Variants in DCAKD observed in about 807,000 individuals in gnomAD.
The protein encoded by DCAKD is dephospho-CoA kinase domain-containing protein.
In DCAKD, 15 loss-of-function variants were observed where a neutral mutation model predicts 18.7. The ratio of observed to expected loss-of-function variants is 0.80; its 90% CI spans 0.54 to 1.24. The LOEUF (loss-of-function observed/expected upper bound fraction) is 1.24. Among genes scored for constraint, DCAKD ranks in the 50% most tolerant of loss-of-function variants. DCAKD has a pLI of 0.00. For missense variants in DCAKD, 301 were observed against 322.0 expected (o/e 0.93, Z 0.50); for synonymous variants, 130 against 133.0 (o/e 0.98, Z 0.16).
chr17:45,040,442 T>C (rs1312511734), intron 1 of DCAKD, among the ~76,000 whole-genome samples: 1 of 151,086 alleles, frequency 6.6e-6, no homozygotes, highest in Admixed American at 6.6e-5. Context: ...ACATTACTGT[T>C]GGTGGCCTGG....
upstream of DCAKD, among the ~76,000 whole-genome samples, chr17:45,053,319 A>G (rs572591503): frequency 1.6e-3 from 244 of 149,532 alleles, 1 homozygote; most frequent in African/African-American, 5.7e-3. Flanking sequence ...GTGCAGTGGC[A>G]GGATCTTGGC....
At chr17:45,035,247 A>C in intron 1 of DCAKD, 1 of 207,850 alleles carries the variant, frequency 4.8e-6, no homozygotes, top group Admixed American at 5.6e-5. Flanking sequence ...TTGGGAGGCC[A>C]AGGTGGGTGG....
intron 1 of DCAKD, among the ~76,000 whole-genome samples, chr17:45,045,207 C>T (rs567540302): frequency 3.7e-4 from 56 of 152,224 alleles, no homozygotes; most frequent in Admixed American, 7.9e-4. Flanking sequence ...GGTCAGGACA[C>T]GGACAGAAAG....
At chr17:45,060,990 A>G in exon 1 of DCAKD, 3 of 1,054,818 alleles carry the variant, frequency 2.8e-6, no homozygotes, top group Middle Eastern at 4.6e-4. Flanking sequence ...TGGAACCTCC[A>G]CGCCTGAAAC....
At chr17:45,031,508 ACTC>A in intron 3 of DCAKD, 1 of 976,428 alleles carries the variant, frequency 1.0e-6, no homozygotes, top group Non-Finnish European at 1.2e-6. Flanking sequence ...ATGCAGTACT[ACTC>A]CTTCACCAGT....
At chr17:45,046,421 G>T (rs916096470) in intron 1 of DCAKD, among the ~76,000 whole-genome samples, 3 of 152,026 alleles carry the variant, frequency 2.0e-5, no homozygotes, top group African/African-American at 7.2e-5. Context: ...TTTGAGACCA[G>T]CCTGGCCAAT....
At chr17:45,054,218 T>A, upstream of DCAKD, 1 of 500,720 alleles carries the variant, frequency 2.0e-6, no homozygotes, top group Non-Finnish European at 4.0e-6. Context: ...ATGTCCCATG[T>A]TGGGGAACTC....
intron 1 of DCAKD, among the ~76,000 whole-genome samples, chr17:45,050,917 G>A (rs1001488167): frequency 1.3e-5 from 2 of 152,250 alleles, no homozygotes; most frequent in Non-Finnish European, 2.9e-5. Flanking sequence ...TCCCTCACTA[G>A]TTGGTGGGCG....
At chr17:45,047,459 AT>A (rs1218885146) in intron 1 of DCAKD, among the ~76,000 whole-genome samples, 1 of 148,458 alleles carries the variant, frequency 6.7e-6, no homozygotes, top group Non-Finnish European at 1.5e-5. Flanking sequence ...ATTTTTAAAA[AT>A]TTTTTGTAGA....
chr17:45,031,218 T>G (rs2143204145), intron 3 of DCAKD: 1 of 985,296 alleles, frequency 1.0e-6, no homozygotes, highest in Non-Finnish European at 1.2e-6. Flanking sequence ...CTCAAAGTGA[T>G]GCAGGGACAA....
chr17:45,060,916 G>C (rs1567858012), exon 1 of DCAKD: 1 of 614,306 alleles, frequency 1.6e-6, no homozygotes, highest in Non-Finnish European at 2.1e-6. Flanking sequence ...CTTAACGGCA[G>C]CCAATAACGG....
Position 45,034,745 on chromosome 17 carries a change from CG to C in DCAKD, c.112+28del, listed in dbSNP as rs1201719423. On this transcript the variant is annotated intron_variant, in intron 2 of 4. Coordinates refer to ENST00000651974, the MANE Select transcript of DCAKD (RefSeq NM_001288655.2). ...CGGAAGCGTGGGGAGCTGCTGTGCA[CG>C]GCCCCCCAACCTGCCCCTCCAACTC... 4 of 1,607,296 alleles carry C rather than the reference CG, an allele frequency of 2.5e-6. No individual in the cohort carries two copies. The African/African-American group carries it at 4.0e-5, about 16-fold the overall frequency.
chr17:45,056,465 CTTTTTTATATATA>C (rs1288308492), upstream of DCAKD, among the ~76,000 whole-genome samples: 1 of 143,670 alleles, frequency 7.0e-6, no homozygotes, highest in East Asian at 1.9e-4. Context: ...TGCCTGCACT[CTTTTTTATATATA>C]TTTTTTTTTT....
chr17:45,031,617 T>A, intron 3 of DCAKD: 1 of 985,344 alleles, frequency 1.0e-6, no homozygotes, highest in Non-Finnish European at 1.2e-6. Context: ...CAAGACTAGA[T>A]CCTCTCCGGG....
At chr17:45,030,215 T>C in intron 3 of DCAKD, 36 bp from the exon 4 acceptor site, 1 of 1,588,446 alleles carries the variant, frequency 6.3e-7, no homozygotes, top group Non-Finnish European at 8.6e-7. Flanking sequence ...AGTTCAATTC[T>C]GCAAGCGCAC....
chr17:45,049,777 T>C (rs1431671747), intron 1 of DCAKD, among the ~76,000 whole-genome samples: 2 of 141,314 alleles, frequency 1.4e-5, no homozygotes, highest in Non-Finnish European at 3.0e-5. Context: ...TGGAGTGCAG[T>C]GGCACGATCT....
intron 3 of DCAKD, chr17:45,031,699 G>C: frequency 1.0e-6 from 1 of 985,354 alleles, no homozygotes; most frequent in Non-Finnish European, 1.2e-6. Flanking sequence ...CGGCCCCTCT[G>C]GGGAGTACGT....
chr17:45,050,189 C>T (rs998178448), intron 1 of DCAKD, among the ~76,000 whole-genome samples: 17 of 152,068 alleles, frequency 1.1e-4, no homozygotes, highest in African/African-American at 3.6e-4. Context: ...TACAGGCATG[C>T]ACCACCATGT....
upstream of DCAKD, among the ~76,000 whole-genome samples, chr17:45,056,400 G>A (rs770278186): frequency 6.6e-6 from 1 of 152,030 alleles, no homozygotes; most frequent in Non-Finnish European, 1.5e-5. Flanking sequence ...CTTGCCTAAG[G>A]TCATTCATTA....
Sources: gnomAD v4.1 joint callset for allele counts (sites outside exome capture counted in the v4.1 genomes callset) on GRCh38, gnomAD v4.1.1 for gene constraint, MANE v1.5 for transcripts, NCBI Gene and HGNC (gene_info 2026-07-23, HGNC 2026-07-21) for gene names.